The following CCSER1 variants were observed in gnomAD, a reference collection of about 807,000 sequenced individuals.
CCSER1 encodes the protein coiled-coil serine rich protein 1.
Under a neutral mutation model 82.0 loss-of-function variants are expected in CCSER1, and 41 were observed. That is an observed-to-expected ratio of 0.50 (90% CI 0.39 to 0.65). CCSER1 has a LOEUF of 0.65. CCSER1 is among the 30% of genes least tolerant of loss of function. The pLI is 0.00. For synonymous variants in CCSER1, 414 were observed against 383.9 expected (o/e 1.08, Z -0.92); for missense variants, 1,119 against 1,064.2 (o/e 1.05, Z -0.72).
intron 5 of CCSER1, among the ~76,000 whole-genome samples, chr4:90,591,855 TA>T (rs1162670784): frequency 6.6e-6 from 1 of 152,000 alleles, no homozygotes; most frequent in African/African-American, 2.4e-5. Context: ...CACGCTGCCA[TA>T]AAAAAGAATG....
At position 91,161,302 on chromosome 4, in the gene CCSER1, G is replaced by A. The variant is rs544318525; in HGVS notation, c.2217+75308G>A. On this transcript the variant is annotated intron_variant, in intron 10 of 10. Transcript: ENST00000509176. ...CTAGTACCCTGCTGTTTTGATTACT[G>A]TAGCCTTGTAGTATAGTTTGAAGTC... Among the ~76,000 whole-genome samples the A allele has an allele frequency of 3.5e-4, 54 of 152,262 alleles. 1 individual carries two copies. The South Asian group carries it at 0.011, about 31-fold the overall frequency.
At chr4:91,431,670 T>C (rs1440604441) in intron 10 of CCSER1, among the ~76,000 whole-genome samples, 1 of 152,172 alleles carries the variant, frequency 6.6e-6, no homozygotes, top group Non-Finnish European at 1.5e-5. Context: ...TTTCCCCATG[T>C]TGGTCAGGCT....
intron 5 of CCSER1, among the ~76,000 whole-genome samples, chr4:90,551,233 A>G (rs1777438997): frequency 6.6e-6 from 1 of 152,134 alleles, no homozygotes; most frequent in South Asian, 2.1e-4. Context: ...ATAGTTATCC[A>G]TTTCATTCCC....
At chr4:91,502,355 A>G (rs1460503092) in intron 10 of CCSER1, among the ~76,000 whole-genome samples, 2 of 152,204 alleles carry the variant, frequency 1.3e-5, no homozygotes, top group African/African-American at 4.8e-5. Flanking sequence ...CTTACAATAC[A>G]TAGTGTAGAG....
chr4:90,776,047 AG>A (rs1233327916), intron 7 of CCSER1, among the ~76,000 whole-genome samples: 1 of 152,050 alleles, frequency 6.6e-6, no homozygotes, highest in Non-Finnish European at 1.5e-5. Context: ...TTATAAAATG[AG>A]GGGGTTAGGC....
chr4:90,583,899 G>C (rs1055237932), intron 5 of CCSER1, among the ~76,000 whole-genome samples: 4 of 151,678 alleles, frequency 2.6e-5, no homozygotes, highest in Non-Finnish European at 4.4e-5. Context: ...GAAATATGCA[G>C]CAATTTAATT....
chr4:91,121,557 A>G (rs1375940828), intron 10 of CCSER1, among the ~76,000 whole-genome samples: 1 of 151,656 alleles, frequency 6.6e-6, no homozygotes, highest in Non-Finnish European at 1.5e-5. Flanking sequence ...ATTTTACTTC[A>G]GTATGTGCTA....
intron 10 of CCSER1, among the ~76,000 whole-genome samples, chr4:91,594,637 A>G (rs1181727730): frequency 1.3e-5 from 2 of 151,942 alleles, no homozygotes; most frequent in Non-Finnish European, 2.9e-5. Flanking sequence ...GTAGCATAAA[A>G]TAAACCTAGA....
At chr4:90,932,960 A>AG (rs1730155039) in intron 9 of CCSER1, among the ~76,000 whole-genome samples, 2 of 45,612 alleles carry the variant, frequency 4.4e-5, no homozygotes, top group South Asian at 1.1e-3. Context: ...GAAAGAAAGA[A>AG]AGAAAGAAAG....
chr4:91,137,160 C>G (rs1420782803), intron 10 of CCSER1, among the ~76,000 whole-genome samples: 1 of 113,932 alleles, frequency 8.8e-6, no homozygotes, highest in Admixed American at 9.6e-5. Flanking sequence ...ATCCCTCCCC[C>G]CTCCCCCCAC....
intron 10 of CCSER1, among the ~76,000 whole-genome samples, chr4:91,438,510 A>G (rs1388502161): frequency 2.0e-5 from 3 of 152,170 alleles, no homozygotes; most frequent in African/African-American, 4.8e-5. Flanking sequence ...GACCAAAAGT[A>G]GATAAAACCA....
At chr4:90,367,743 G>T (rs886779792) in intron 3 of CCSER1, among the ~76,000 whole-genome samples, 9 of 151,812 alleles carry the variant, frequency 5.9e-5, no homozygotes, top group Middle Eastern at 6.8e-3. Flanking sequence ...GAGGTGAAAG[G>T]TTCCAGAAAA....
intron 7 of CCSER1, among the ~76,000 whole-genome samples, chr4:90,757,879 G>A (rs1749784587): frequency 6.6e-6 from 1 of 151,648 alleles, no homozygotes; most frequent in Non-Finnish European, 1.5e-5. Context: ...AGTAGGCAAA[G>A]CTCAAAGTGG....
At chr4:91,155,765 G>T (rs1730753065) in intron 10 of CCSER1, among the ~76,000 whole-genome samples, 1 of 151,810 alleles carries the variant, frequency 6.6e-6, no homozygotes, top group Non-Finnish European at 1.5e-5. Flanking sequence ...AAGATAACAG[G>T]ATATTGAAGG....
intron 10 of CCSER1, among the ~76,000 whole-genome samples, chr4:91,437,549 C>T (rs549607417): frequency 2.6e-5 from 4 of 152,296 alleles, no homozygotes; most frequent in Admixed American, 6.5e-5. Context: ...CCAGCGTGAG[C>T]GATGCAGAAG....
intron 9 of CCSER1, among the ~76,000 whole-genome samples, chr4:91,083,192 A>G (rs963219440): frequency 9.9e-5 from 15 of 152,228 alleles, no homozygotes; most frequent in Non-Finnish European, 2.1e-4. Flanking sequence ...CTGGATTAAG[A>G]AAATGTGGCA....
chr4:91,014,759 C>G (rs1046562633), intron 9 of CCSER1, among the ~76,000 whole-genome samples: 2 of 152,148 alleles, frequency 1.3e-5, no homozygotes, highest in African/African-American at 4.8e-5. Context: ...TCAAATATTT[C>G]ACTTGAATTT....
intron 1 of CCSER1, among the ~76,000 whole-genome samples, chr4:90,265,521 G>C (rs1725077381): frequency 6.6e-6 from 1 of 151,786 alleles, no homozygotes; most frequent in African/African-American, 2.4e-5. Context: ...TAGTCTTAAA[G>C]ATATTTCTGT....
intron 10 of CCSER1, among the ~76,000 whole-genome samples, chr4:91,271,769 T>C (rs1742048424): frequency 1.3e-5 from 2 of 152,148 alleles, no homozygotes; most frequent in South Asian, 4.1e-4. Flanking sequence ...TTTGTTTGTT[T>C]TTGAGACGGA....
Sources: gnomAD v4.1 joint callset for allele counts (sites outside exome capture counted in the v4.1 genomes callset) on GRCh38, gnomAD v4.1.1 for gene constraint, MANE v1.5 for transcripts, NCBI Gene and HGNC (gene_info 2026-07-23, HGNC 2026-07-21) for gene names.